The following UBR1 variants were observed in gnomAD, a reference collection of about 807,000 sequenced individuals.
UBR1 encodes the protein ubiquitin protein ligase E3 component n-recognin 1, also known as E3 ubiquitin-protein ligase UBR1.
In UBR1, 102 loss-of-function variants were observed where a neutral mutation model predicts 242.1. The ratio of observed to expected loss-of-function variants is 0.42; its 90% confidence interval spans 0.36 to 0.50. UBR1 has a LOEUF of 0.50. UBR1 is among the 20% of genes least tolerant of loss of function. UBR1 has a pLI of 0.01. For synonymous variants in UBR1, 675 were observed against 684.8 expected, an observed-to-expected ratio of 0.99 and a Z score of 0.22; for missense variants, 1,772 against 2,101.8, an observed-to-expected ratio of 0.84 and a Z score of 3.07.
At chr15:43,078,733 T>G (rs895944804) in intron 3 of UBR1, among the ~76,000 whole-genome samples, 1 of 151,092 alleles carries the variant, frequency 6.6e-6, no homozygotes, top group African/African-American at 2.4e-5. Flanking sequence ...TTTGGGAGGT[T>G]TGAAGTGGGA....
chr15:43,022,406 G>C (rs2033121392), intron 26 of UBR1, among the ~76,000 whole-genome samples: 1 of 144,750 alleles, frequency 6.9e-6, no homozygotes, highest in Admixed American at 6.9e-5. Context: ...GATGAGGAAT[G>C]AAAGTTAAAA....
chr15:43,102,082 A>G (rs2141373735), intron 1 of UBR1, among the ~76,000 whole-genome samples: 1 of 152,108 alleles, frequency 6.6e-6, no homozygotes, highest in South Asian at 2.1e-4. Flanking sequence ...AGAGGTTGCA[A>G]TGAGCCGAGA....
chr15:42,971,334 C>T lies in UBR1; in HGVS notation c.4370-727G>A, dbSNP rs191423170. Among the ~76,000 whole-genome samples the T allele has an allele frequency of 3.8e-3, 580 of 152,312 alleles. 5 individuals are homozygous for T. Among genetic ancestry groups the T allele is most frequent in the Admixed American group, 5.9e-3 (91 of 15,296 alleles). On this transcript the variant is annotated intron_variant, in intron 39 of 46. Coordinates refer to ENST00000290650, the MANE Select transcript of UBR1 (RefSeq NM_174916.3). The stretch of plus-strand genomic sequence containing the variant: ...ACTTTGTGAGGTTATTTTCCTCCAT[C>T]AACCTATCTTTAAGGAGGACCATCC...
intron 15 of UBR1, among the ~76,000 whole-genome samples, chr15:43,042,017 G>GA (rs769831982): frequency 7.2e-4 from 109 of 152,114 alleles, no homozygotes; most frequent in South Asian, 5.0e-3. Flanking sequence ...ATCTGGGGGG[G>GA]AAAAAAGGAG....
chr15:43,014,884 G>T (rs1314991895), intron 29 of UBR1, among the ~76,000 whole-genome samples: 1 of 150,450 alleles, frequency 6.6e-6, no homozygotes, highest in South Asian at 2.1e-4. Flanking sequence ...GGGAGGTGGG[G>T]GGTCAGCCCC....
At chr15:42,978,212 G>C (rs2032319949) in intron 37 of UBR1, among the ~76,000 whole-genome samples, 3 of 152,174 alleles carry the variant, frequency 2.0e-5, no homozygotes. Flanking sequence ...CTGAAATATA[G>C]AGATTGTTAA....
At chr15:43,095,986 G>C (rs964983478) in intron 1 of UBR1, among the ~76,000 whole-genome samples, 1 of 152,160 alleles carries the variant, frequency 6.6e-6, no homozygotes, top group Non-Finnish European at 1.5e-5. Context: ...ACTATACTAA[G>C]AGTGCAATAG....
intron 1 of UBR1, among the ~76,000 whole-genome samples, chr15:43,089,174 A>G (rs950897617): frequency 6.7e-6 from 1 of 149,178 alleles, no homozygotes; most frequent in Non-Finnish European, 1.5e-5. Flanking sequence ...AAAAAAAAAA[A>G]CTACATGAGA....
chr15:43,070,431 G>A (rs971719244), intron 5 of UBR1, among the ~76,000 whole-genome samples: 5 of 152,024 alleles, frequency 3.3e-5, no homozygotes, highest in African/African-American at 1.2e-4. Flanking sequence ...CTTTGTTAAC[G>A]AACCTCCTGA....
intron 1 of UBR1, among the ~76,000 whole-genome samples, chr15:43,097,980 G>A (rs2034180982): frequency 6.6e-6 from 1 of 152,142 alleles, no homozygotes; most frequent in Admixed American, 6.6e-5. Context: ...CATAACTCTT[G>A]GCCTATGTCA....
chr15:43,023,394 C>G (rs958983425), intron 25 of UBR1, among the ~76,000 whole-genome samples: 18 of 151,714 alleles, frequency 1.2e-4, no homozygotes, highest in Non-Finnish European at 2.9e-5. Flanking sequence ...GAGTTCATGA[C>G]CAGCCTGGTC....
chr15:43,032,513 GTCTC>G, intron 20 of UBR1, 51 bp downstream of exon 20: 2 of 1,200,422 alleles, frequency 1.7e-6, no homozygotes, highest in Non-Finnish European at 2.4e-6. Flanking sequence ...CATATAAATG[GTCTC>G]TCTAAAAAGT....
chr15:43,096,485 A>G (rs1294262600), intron 1 of UBR1, among the ~76,000 whole-genome samples: 1 of 152,064 alleles, frequency 6.6e-6, no homozygotes, highest in African/African-American at 2.4e-5. Context: ...AAATAAGACA[A>G]CCATGAAGTC....
At chr15:42,987,392 T>C (rs2032483637) in intron 35 of UBR1, among the ~76,000 whole-genome samples, 1 of 152,054 alleles carries the variant, frequency 6.6e-6, no homozygotes, top group African/African-American at 2.4e-5. Context: ...AAGAAACTAA[T>C]GATAGTATGT....
intron 29 of UBR1, among the ~76,000 whole-genome samples, chr15:43,009,165 C>A (rs1451782827): frequency 1.3e-5 from 2 of 152,238 alleles, no homozygotes; most frequent in Admixed American, 6.5e-5. Flanking sequence ...GGGGAGCCCA[C>A]ACCTAGGGGC....
intron 37 of UBR1, among the ~76,000 whole-genome samples, chr15:42,982,758 C>A (rs943855465): frequency 6.6e-6 from 1 of 152,122 alleles, no homozygotes; most frequent in Non-Finnish European, 1.5e-5. Flanking sequence ...TCTGCTAGTT[C>A]AGCTACAAGA....
rs1567136508 is a variant in UBR1 at position 43,048,509 on chromosome 15, A to T, written c.1440-18T>A. On this transcript the variant is annotated intron_variant, in intron 12 of 46. Coordinates refer to ENST00000290650, the MANE Select transcript of UBR1 (RefSeq NM_174916.3). ...GGATATACCTATCGTTTCAAGAAAG[A>T]AAGAAATATTTCATTTATCTATTTT... 1 of 1,570,036 alleles carries T rather than the reference A, an allele frequency of 6.4e-7. No individual in the cohort carries two copies. Among genetic ancestry groups the T allele is most frequent in the Non-Finnish European group, 8.8e-7 (1 of 1,141,022 alleles).
In UBR1 at chr15:42,944,327, G is replaced by T. The variant is rs1230572672; in HGVS notation, c.*1002C>A. ...CTATTGATCACATGGCTTTTTTGGT[G>T]GTTTGTACTAGTCATAAAACCAGAG... On this transcript the variant is annotated 3_prime_UTR_variant, in exon 47 of 47. Transcript: ENST00000290650. 2.0e-5 allele frequency: 3 copies of T among 152,544 alleles called. No homozygotes were observed. The highest frequency in any genetic ancestry group is 2.9e-5 in the Non-Finnish European group (2 of 68,024). 9.4% of individuals were successfully genotyped at this position (152,544 alleles called of 1,614,324 possible). A position where few individuals can be genotyped will look rare whatever the true frequency, so the allele number is the denominator to read the frequency against.
intron 7 of UBR1, 77 bp from the exon 8 acceptor site, chr15:43,059,902 A>G: frequency 2.5e-6 from 4 of 1,583,906 alleles, no homozygotes; most frequent in Non-Finnish European, 2.6e-6. Context: ...CTTCAAATGA[A>G]GAAATCACAT....
Sources: allele counts gnomAD v4.1 joint callset (sites outside exome capture counted in the v4.1 genomes callset), GRCh38; gene constraint gnomAD v4.1.1; transcripts MANE v1.5; gene names NCBI Gene and HGNC (gene_info 2026-07-23, HGNC 2026-07-21).